TAFA2: variants seen among roughly 807,000 people sequenced by gnomAD.
The protein encoded by TAFA2 is chemokine-like protein TAFA-2.
Under a neutral mutation model 18.8 loss-of-function variants are expected in TAFA2, and 7 were observed. That is an observed-to-expected ratio of 0.37 (90% CI 0.21 to 0.70). The LOEUF (loss-of-function observed/expected upper bound fraction) is 0.70, where lower values mean the gene tolerates loss of function less well. TAFA2 is among the 30% of genes least tolerant of loss of function. TAFA2 has a pLI of 0.53. For missense variants in TAFA2, 122 were observed against 158.1 expected, an observed-to-expected ratio of 0.77 and a Z score of 1.23; for synonymous variants, 60 against 54.2, an observed-to-expected ratio of 1.11 and a Z score of -0.47.
At position 61,838,175 on chromosome 12, in the gene TAFA2, T is replaced by C. The variant is rs111740231; in HGVS notation, c.106+29145A>G. On this transcript the variant is annotated intron_variant, in intron 2 of 4. Transcript: ENST00000416284. ...TGTTCTCTGAATGTGAGGAAGGAAA[T>C]TGCAGGAGGAAAAAATAAAATTGAT... Among the ~76,000 whole-genome samples the C allele has an allele frequency of 8.0e-4, 122 of 151,764 alleles. 1 individual carries two copies. The highest frequency in any genetic ancestry group is 2.8e-3 in the African/African-American group (116 of 41,392).
rs186191426 is a variant in TAFA2 at position 62,151,709 on chromosome 12, C to G, written c.-2+39550G>C. Among the ~76,000 whole-genome samples, 4 of 152,312 alleles carry G rather than the reference C, an allele frequency of 2.6e-5. No individual in the cohort carries two copies. The East Asian group carries it at 7.7e-4, about 29-fold the overall frequency. On this transcript the variant is annotated intron_variant, in intron 1 of 4. Coordinates refer to ENST00000416284, the MANE Select transcript of TAFA2 (RefSeq NM_178539.5). ...TTAGTAAACTAATTTCTTTCTTCCCCAGACTTGTGTATCTTGTACATAAAA... is the reference window on the plus strand; with the variant it reads ...TTAGTAAACTAATTTCTTTCTTCCCGAGACTTGTGTATCTTGTACATAAAA...
intron 1 of TAFA2, among the ~76,000 whole-genome samples, chr12:62,013,810 G>A (rs182048203): frequency 6.6e-6 from 1 of 152,228 alleles, no homozygotes; most frequent in East Asian, 1.9e-4. Context: ...TAAGTTAGTC[G>A]ATAATTTAAG....
chr12:62,106,843 T>C (rs544043705), intron 1 of TAFA2, among the ~76,000 whole-genome samples: 25 of 151,460 alleles, frequency 1.7e-4, no homozygotes, highest in African/African-American at 4.9e-4. Context: ...AAAGAGCTCA[T>C]TTTACTGCAA....
intron 1 of TAFA2, among the ~76,000 whole-genome samples, chr12:62,070,804 C>T (rs1252153156): frequency 2.0e-5 from 3 of 152,138 alleles, no homozygotes; most frequent in African/African-American, 2.4e-5. Flanking sequence ...CTGTTTTTCA[C>T]GTTCATCATT....
chr12:61,830,804 T>C (rs1872693631), intron 2 of TAFA2, among the ~76,000 whole-genome samples: 1 of 152,080 alleles, frequency 6.6e-6, no homozygotes, highest in Admixed American at 6.6e-5. Flanking sequence ...TTAGATTCAT[T>C]CCCATACCTC....
intron 1 of TAFA2, among the ~76,000 whole-genome samples, chr12:62,151,455 T>C (rs577951256): frequency 6.6e-6 from 1 of 152,354 alleles, no homozygotes; most frequent in African/African-American, 2.4e-5. Flanking sequence ...GAAGGTCTTC[T>C]TTACTTTCAA....
intron 1 of TAFA2, among the ~76,000 whole-genome samples, chr12:61,888,943 T>C (rs2121291798): frequency 6.6e-6 from 1 of 152,330 alleles, no homozygotes. Flanking sequence ...GCTTTTTTAA[T>C]GCTACCCCTC....
chr12:62,217,533 C>A (rs1279966356), intron 1 of TAFA2, among the ~76,000 whole-genome samples: 1 of 152,212 alleles, frequency 6.6e-6, no homozygotes, highest in African/African-American at 2.4e-5. Flanking sequence ...CCCAAGTCAG[C>A]TGAAGAAAGC....
intron 1 of TAFA2, among the ~76,000 whole-genome samples, chr12:62,207,691 T>C (rs1265437624): frequency 6.6e-6 from 1 of 152,198 alleles, no homozygotes; most frequent in Non-Finnish European, 1.5e-5. Flanking sequence ...ACAGGGGATG[T>C]TCCACTTCTC....
At chr12:62,225,223 A>G (rs1464735401) in intron 1 of TAFA2, among the ~76,000 whole-genome samples, 1 of 152,248 alleles carries the variant, frequency 6.6e-6, no homozygotes. Context: ...ATGTCCAGAA[A>G]TTGATCAAAT....
intron 1 of TAFA2, among the ~76,000 whole-genome samples, chr12:61,901,747 C>T (rs1325883570): frequency 6.6e-6 from 1 of 152,132 alleles, no homozygotes; most frequent in Non-Finnish European, 1.5e-5. Flanking sequence ...AGGTTTGTTA[C>T]ATTAATTATC....
At chr12:62,131,477 G>A (rs571907237) in intron 1 of TAFA2, among the ~76,000 whole-genome samples, 7 of 152,092 alleles carry the variant, frequency 4.6e-5, no homozygotes, top group African/African-American at 1.7e-4. Context: ...CCTGAGTAGT[G>A]TTCCACTAAT....
chr12:61,936,687 C>G (rs6581435), intron 1 of TAFA2, among the ~76,000 whole-genome samples: 2 of 152,002 alleles, frequency 1.3e-5, no homozygotes, highest in South Asian at 4.2e-4. Flanking sequence ...TATAAAAGCC[C>G]TATATGAAAA....
intron 2 of TAFA2, among the ~76,000 whole-genome samples, chr12:61,833,001 TTATATAATATATAAATA>T (rs960976045): frequency 1.4e-4 from 20 of 147,728 alleles, no homozygotes; most frequent in African/African-American, 4.7e-4. Flanking sequence ...GTGGGAGACA[TTATATAATATATAAATA>T]TATATAATAT....
At chr12:62,064,124 A>C (rs1882425673) in intron 1 of TAFA2, among the ~76,000 whole-genome samples, 1 of 152,110 alleles carries the variant, frequency 6.6e-6, no homozygotes, top group Non-Finnish European at 1.5e-5. Flanking sequence ...AAGCTGATTT[A>C]AGGTTAAGTA....
At chr12:62,053,482 C>G (rs1882109304) in intron 1 of TAFA2, among the ~76,000 whole-genome samples, 1 of 152,162 alleles carries the variant, frequency 6.6e-6, no homozygotes, top group South Asian at 2.1e-4. Context: ...GCTGCTTTAA[C>G]TTTGAAATAA....
At chr12:62,072,557 G>A (rs1469198775) in intron 1 of TAFA2, among the ~76,000 whole-genome samples, 1 of 152,058 alleles carries the variant, frequency 6.6e-6, no homozygotes, top group Non-Finnish European at 1.5e-5. Context: ...GAAGTGGGCA[G>A]ATCACTTGAG....
At chr12:62,147,669 G>T (rs1398133759) in intron 1 of TAFA2, among the ~76,000 whole-genome samples, 2 of 140,672 alleles carry the variant, frequency 1.4e-5, no homozygotes, top group Non-Finnish European at 3.0e-5. Context: ...GGCGGAGCTT[G>T]CAGTGAGCCA....
rs185148314 is a variant in TAFA2 at position 61,852,147 on chromosome 12, G to A, written c.106+15173C>T. Among the ~76,000 whole-genome samples the A allele has an allele frequency of 2.4e-4, 37 of 151,362 alleles. No individual in the cohort carries two copies. In the East Asian group the frequency reaches 2.7e-3, roughly 11 times the overall value. The stretch of plus-strand genomic sequence containing the variant: ...GCTTGAACCCAGAAGCAGAGGTTGC[G>A]GTGAGCTGAGGTCGTGCCATTGCAC... On this transcript the variant is annotated intron_variant, in intron 2 of 4. Coordinates refer to ENST00000416284, the MANE Select transcript of TAFA2 (RefSeq NM_178539.5).
Sources: gnomAD v4.1 joint callset for allele counts (sites outside exome capture counted in the v4.1 genomes callset) on GRCh38, gnomAD v4.1.1 for gene constraint, MANE v1.5 for transcripts, NCBI Gene and HGNC (gene_info 2026-07-23, HGNC 2026-07-21) for gene names.